UPB1: variants seen among roughly 807,000 people sequenced by gnomAD.
UPB1 encodes beta-ureidopropionase.
UPB1 carries 40 observed loss-of-function variants against 49.1 expected under a neutral mutation model. That is an observed-to-expected ratio of 0.81 (90% CI 0.63 to 1.06). UPB1 has a LOEUF of 1.06. Among genes scored for constraint, UPB1 ranks in the 50% least tolerant of loss-of-function variants. The pLI, the probability that UPB1 is intolerant of heterozygous loss-of-function variation, is 0.00. For synonymous variants in UPB1, 207 were observed against 198.2 expected (o/e 1.04, Z -0.38); for missense variants, 499 against 505.9 (o/e 0.99, Z 0.13).
chr22:24,518,898 C>T (rs1330896226), intron 6 of UPB1, among the ~76,000 whole-genome samples: 2 of 152,148 alleles, frequency 1.3e-5, no homozygotes, highest in Non-Finnish European at 2.9e-5. Context: ...ATATGGCAAA[C>T]GTCCCCACTC....
intron 1 of UPB1, among the ~76,000 whole-genome samples, chr22:24,495,991 G>A (rs1357046526): frequency 6.6e-6 from 1 of 152,142 alleles, no homozygotes; most frequent in Non-Finnish European, 1.5e-5. Context: ...GCAAGCCATG[G>A]GCGCTGGTTT....
intron 3 of UPB1, among the ~76,000 whole-genome samples, chr22:24,508,752 G>C (rs1274911879): frequency 6.6e-6 from 1 of 150,742 alleles, no homozygotes; most frequent in East Asian, 2.0e-4. Context: ...ATGGTGGTGG[G>C]CTCCTGTAAT....
chr22:24,515,225 C>G lies in UPB1; in HGVS notation c.646C>G (p.Leu216Val). 1 of 1,614,164 alleles carries G rather than the reference C, an allele frequency of 6.2e-7. No individual in the cohort carries two copies. Among genetic ancestry groups the G allele is most frequent in the Non-Finnish European group, 8.5e-7 (1 of 1,180,048 alleles). Residue 216 changes from leucine to valine, a missense_variant, in exon 6 of 10, where the codon CTG becomes GTG. Leu to Val is a conservative substitution (Grantham distance 32, BLOSUM62 1). Transcript: ENST00000326010. ...GTCAACTTACTACATGGAGGGAAAC[C>G]TGGGCCACCCCGTGTTCCAGACGCA... ...NESTYYMEGN[L>V]GHPVFQTQFG... is the part of the protein sequence containing the mutation.
intron 1 of UPB1, among the ~76,000 whole-genome samples, chr22:24,498,426 C>T (rs1174834133): frequency 6.6e-6 from 1 of 152,160 alleles, no homozygotes; most frequent in African/African-American, 2.4e-5. Flanking sequence ...TGTGGTAATG[C>T]ACCGCCTTTG....
In UPB1 at chr22:24,515,981, T is replaced by TAAAAC. The variant is rs56302601; in HGVS notation, c.791+622_791+626dup. On this transcript the variant is annotated intron_variant, in intron 6 of 9. Coordinates refer to ENST00000326010, the MANE Select transcript of UPB1 (RefSeq NM_016327.3). ...TAGAGCGAGACTCCATCTCAAAAAA[T>TAAAAC]AAAACAAAACAAAACGAAAAAACAA... Among the ~76,000 whole-genome samples the TAAAAC allele has an allele frequency of 9.8e-4, 149 of 151,906 alleles. 1 individual carries two copies. The highest frequency in any genetic ancestry group is 2.5e-3 in the African/African-American group (102 of 41,384).
chr22:24,496,813 G>GA (rs398101702), intron 1 of UPB1, among the ~76,000 whole-genome samples: 1 of 151,704 alleles, frequency 6.6e-6, no homozygotes, highest in African/African-American at 2.4e-5. Context: ...GGCAGGACAG[G>GA]AAAGAAGCAT....
At chr22:24,497,792 C>G (rs555398604) in intron 1 of UPB1, among the ~76,000 whole-genome samples, 2 of 152,206 alleles carry the variant, frequency 1.3e-5, no homozygotes, top group African/African-American at 4.8e-5. Flanking sequence ...ACCAGACTTC[C>G]CTGTACTTGT....
intron 5 of UPB1, 92 bp from the exon 6 acceptor site, chr22:24,515,109 C>T: frequency 6.6e-6 from 10 of 1,525,418 alleles, no homozygotes; most frequent in Non-Finnish European, 8.1e-6. Flanking sequence ...GTGTAACCAC[C>T]TCTGGACTAT....
intron 3 of UPB1, among the ~76,000 whole-genome samples, chr22:24,509,360 TGAAAAAAAAAAAAAAAA>T (rs2044150561): frequency 1.3e-5 from 1 of 76,990 alleles, no homozygotes; most frequent in African/African-American, 6.0e-5. Flanking sequence ...ACCTACTGTT[TGAAAAAAAAAAAAAAAA>T]AAAAAAAAAA....
At chr22:24,507,171 G>A (rs1315451890) in intron 3 of UPB1, among the ~76,000 whole-genome samples, 1 of 152,146 alleles carries the variant, frequency 6.6e-6, no homozygotes. Flanking sequence ...ATTCTCTGGG[G>A]GCACTTGACT....
chr22:24,512,482 A>G (rs1272859446), intron 4 of UPB1, among the ~76,000 whole-genome samples: 3 of 152,264 alleles, frequency 2.0e-5, no homozygotes, highest in Non-Finnish European at 4.4e-5. Context: ...TTTGATGCCA[A>G]AGAAATTTAT....
At chr22:24,510,646 T>C in intron 3 of UPB1, 103 bp from the exon 4 acceptor site, 1 of 1,258,528 alleles carries the variant, frequency 7.9e-7, no homozygotes, top group East Asian at 2.3e-5. Context: ...ATGGCACTCC[T>C]GAGACTGTAT....
intron 5 of UPB1, among the ~76,000 whole-genome samples, 160 bp from the exon 6 acceptor site, chr22:24,515,041 T>TTG (rs1332708794): frequency 3.3e-5 from 5 of 152,268 alleles, no homozygotes; most frequent in African/African-American, 1.2e-4. Flanking sequence ...CAGGGTTTTT[T>TTG]TGTGTGTGTT....
At chr22:24,519,386 CCA>C (rs1465025831) in intron 6 of UPB1, among the ~76,000 whole-genome samples, 1 of 152,124 alleles carries the variant, frequency 6.6e-6, no homozygotes, top group African/African-American at 2.4e-5. Flanking sequence ...TCCTGTCAAT[CCA>C]CAGTCTTAAA....
chr22:24,510,214 CAA>C (rs1419968205), intron 3 of UPB1, among the ~76,000 whole-genome samples: 2 of 141,040 alleles, frequency 1.4e-5, no homozygotes, highest in Admixed American at 1.5e-4. Flanking sequence ...GCCTGGGCAA[CAA>C]GAGCAAAACT....
intron 9 of UPB1, among the ~76,000 whole-genome samples, chr22:24,524,196 A>G (rs1215855117): frequency 6.6e-6 from 1 of 152,200 alleles, no homozygotes; most frequent in Admixed American, 6.5e-5. Flanking sequence ...TGGGTCATGC[A>G]GAGAAATGGA....
At chr22:24,520,068 A>G (rs1393504369) in intron 6 of UPB1, 7 of 429,554 alleles carry the variant, frequency 1.6e-5, no homozygotes, top group Admixed American at 3.6e-5. Context: ...GAGGCTCAGG[A>G]TGAGGATTTG....
At chr22:24,523,923 C>T in intron 9 of UPB1, 150 bp downstream of exon 9, 1 of 1,222,244 alleles carries the variant, frequency 8.2e-7, no homozygotes, top group Non-Finnish European at 1.2e-6. Context: ...GAATCTCTGC[C>T]TCCTTGCTGG....
chr22:24,502,239 C>G (rs765997355), intron 3 of UPB1, 26 bp downstream of exon 3: 1 of 1,604,106 alleles, frequency 6.2e-7, no homozygotes, highest in South Asian at 1.1e-5. Context: ...GGTGCTTTCT[C>G]TGCTGCCTTC....
Sources: gnomAD v4.1 joint callset for allele counts (sites outside exome capture counted in the v4.1 genomes callset) on GRCh38, gnomAD v4.1.1 for gene constraint, MANE v1.5 for transcripts, NCBI Gene and HGNC (gene_info 2026-07-23, HGNC 2026-07-21) for gene names.